The following NSUN7 variants were observed in gnomAD, a reference collection of about 807,000 sequenced individuals.
The protein encoded by NSUN7 is NOP2/Sun RNA methyltransferase family member 7, also known as protein NSUN7.
Under a neutral mutation model 58.5 loss-of-function variants are expected in NSUN7, and 39 were observed. The ratio of observed to expected loss-of-function variants is 0.67; its 90% CI spans 0.52 to 0.87. The LOEUF (loss-of-function observed/expected upper bound fraction) is 0.87. Ranked by LOEUF, NSUN7 falls within the 40% of genes least tolerant of loss-of-function variation. The pLI, the probability that NSUN7 is intolerant of heterozygous loss-of-function variation, is 0.00. For missense variants in NSUN7, 765 were observed against 844.1 expected, an observed-to-expected ratio of 0.91 and a Z score of 1.16; for synonymous variants, 278 against 303.7, an observed-to-expected ratio of 0.92 and a Z score of 0.88.
rs1458704980 is a variant in NSUN7 at position 40,765,035 on chromosome 4, G to A, written c.488+3734G>A. Among the ~76,000 whole-genome samples the A allele has an allele frequency of 9.4e-3, 1,392 of 147,764 alleles. 19 individuals are homozygous for A. Among genetic ancestry groups the A allele is most frequent in the African/African-American group, 0.033 (1,319 of 40,074 alleles). The stretch of plus-strand genomic sequence containing the variant: ...TTTTCTCCCATTTTGTAGGTTGCCT[G>A]TTCACTCTGATGGTATTTTCTTTTG... On this transcript the variant is annotated intron_variant, in intron 4 of 11. Transcript: ENST00000381782.
At chr4:40,762,710 T>A (rs919391856) in intron 4 of NSUN7, 2 of 152,170 alleles carry the variant, frequency 1.3e-5, no homozygotes, top group Admixed American at 1.3e-4. Context: ...CAGCACGAGG[T>A]GAGCAGCAGG....
chr4:40,784,551 A>G (rs139153059), intron 7 of NSUN7, among the ~76,000 whole-genome samples: 283 of 152,358 alleles, frequency 1.9e-3, no homozygotes, highest in Non-Finnish European at 2.9e-3. Flanking sequence ...TTGGGGGAAG[A>G]GGACAATATC....
At chr4:40,762,652 G>A (rs1741513976) in intron 4 of NSUN7, 2 of 152,352 alleles carry the variant, frequency 1.3e-5, no homozygotes, top group South Asian at 4.1e-4. Flanking sequence ...CCCAACCCCA[G>A]GGCTGCAGAC....
chr4:40,800,268 T>C (rs948367724), intron 10 of NSUN7, among the ~76,000 whole-genome samples: 1 of 152,216 alleles, frequency 6.6e-6, no homozygotes, highest in African/African-American at 2.4e-5. Flanking sequence ...GACTGGTCAG[T>C]GTACTGTGGA....
chr4:40,774,294 C>A lies in NSUN7; in HGVS notation c.518C>A (p.Ala173Glu). ...SFKIKLAAALARCRIKHDALS... is the reference protein window; with the variant it reads ...SFKIKLAAALERCRIKHDALS... ...AAGATAAAATTGGCTGCAGCATTGG[C>A]AAGATGTCGAATCAAGCATGATGCC... is the stretch of plus-strand genomic sequence containing the variant. Residue 173 changes from alanine to glutamate, a missense_variant, in exon 5 of 12, where the codon GCA becomes GAA. Ala to Glu is a moderately radical substitution (Grantham distance 107). Transcript: ENST00000381782. 1 of 1,614,064 alleles carries A rather than the reference C, an allele frequency of 6.2e-7. No individual in the cohort carries two copies. Among genetic ancestry groups the A allele is most frequent in the Non-Finnish European group, 8.5e-7 (1 of 1,179,964 alleles).
Position 40,760,468 on chromosome 4 carries a change from C to T in NSUN7, c.333C>T (p.Ser111=). The change falls in exon 3 of 12, where the codon AGC becomes AGT. Residue 111 remains serine (S), a synonymous_variant. Coordinates refer to ENST00000381782, the MANE Select transcript of NSUN7 (RefSeq NM_024677.6). ...QDILETILID[S]CIFPSTTIPD... is the part of the protein sequence containing the mutation. Reference sequence around the variant, plus strand: ...TTTTGGAAACTATATTGATAGACAGCTGTATCTTCCCAAGTACCACAATAG... The same window carrying T: ...TTTTGGAAACTATATTGATAGACAGTTGTATCTTCCCAAGTACCACAATAG... 6.2e-7 allele frequency: 1 copy of T among 1,608,464 alleles called. No homozygotes were observed. The highest frequency in any genetic ancestry group is 8.5e-7 in the Non-Finnish European group (1 of 1,176,260).
At chr4:40,753,496 C>T (rs1740940893) in intron 2 of NSUN7, among the ~76,000 whole-genome samples, 1 of 152,132 alleles carries the variant, frequency 6.6e-6, no homozygotes, top group Non-Finnish European at 1.5e-5. Flanking sequence ...TGGTCTTGAA[C>T]TCCTGACCTC....
At chr4:40,786,612 C>T in intron 7 of NSUN7, 1 of 1,612,838 alleles carries the variant, frequency 6.2e-7, no homozygotes, top group Non-Finnish European at 8.5e-7. Flanking sequence ...TGCAGCCTAC[C>T]TGTGCAATCA....
In NSUN7 at chr4:40,810,635, A is replaced by AGTT. The variant is rs1181608652; in HGVS notation, c.*1698_*1700dup. The AGTT allele has an allele frequency of 6.6e-6, 1 of 150,454 alleles. No homozygotes were observed. The highest frequency in any genetic ancestry group is 6.6e-5 in the Admixed American group (1 of 15,096). 9.3% of individuals were successfully genotyped at this position (150,454 alleles called of 1,614,324 possible). On this transcript the variant is annotated 3_prime_UTR_variant, in exon 12 of 12. Coordinates refer to ENST00000381782, the MANE Select transcript of NSUN7 (RefSeq NM_024677.6). ...GAAGAAAGGAAACAAGACTTTTTAT[A>AGTT]GTTGAACCAGGCTTATTGTATTTTA...
At chr4:40,807,977 T>C (rs1443392386) in intron 11 of NSUN7, among the ~76,000 whole-genome samples, 1 of 144,184 alleles carries the variant, frequency 6.9e-6, no homozygotes, top group Non-Finnish European at 1.5e-5. Flanking sequence ...GAGGTGGAGG[T>C]TGCAGTGAGC....
In NSUN7 at chr4:40,776,149, AC is replaced by A; in HGVS notation, c.927del (p.His309GlnfsTer5). On this transcript the variant is annotated frameshift_variant, in exon 7 of 12. Transcript: ENST00000381782. LOFTEE classifies it high-confidence loss of function. Reference protein sequence around the residue: ...VNTGSWYTVSHMSILTNNNTS... With the variant: ...VNTGSWYTVSXMSILTNNNTS... Reference sequence around the variant, plus strand: ...ACAGGCTCATGGTACACAGTTTCCCACATGTCAATTTTAACAAATAATAATA... The same window carrying A: ...ACAGGCTCATGGTACACAGTTTCCCAATGTCAATTTTAACAAATAATAATA... 6.2e-7 allele frequency: 1 copy of A among 1,608,520 alleles called. No homozygotes were observed. Among genetic ancestry groups the A allele is most frequent in the Non-Finnish European group, 8.5e-7 (1 of 1,175,238 alleles).
At chr4:40,772,815 A>C (rs1014805618) in intron 4 of NSUN7, among the ~76,000 whole-genome samples, 13 of 152,232 alleles carry the variant, frequency 8.5e-5, no homozygotes, top group Admixed American at 7.2e-4. Flanking sequence ...CCACCCACCA[A>C]CCACAACTCA....
At chr4:40,770,670 T>C (rs989260383) in intron 4 of NSUN7, among the ~76,000 whole-genome samples, 2 of 152,086 alleles carry the variant, frequency 1.3e-5, no homozygotes, top group Non-Finnish European at 2.9e-5. Flanking sequence ...TAAATATTTC[T>C]GAAAATTTAA....
intron 11 of NSUN7, among the ~76,000 whole-genome samples, chr4:40,807,562 C>G (rs1282601449): frequency 3.3e-5 from 5 of 151,964 alleles, no homozygotes; most frequent in African/African-American, 1.2e-4. Context: ...CTTGGCCAGG[C>G]TGGTCTTGAA....
intron 10 of NSUN7, among the ~76,000 whole-genome samples, chr4:40,799,388 G>A (rs1297493873): frequency 2.0e-5 from 3 of 151,654 alleles, no homozygotes; most frequent in East Asian, 1.9e-4. Flanking sequence ...GGCCTGGTGC[G>A]GTGGCTCACA....
At chr4:40,776,965 G>A (rs1396245176) in intron 7 of NSUN7, among the ~76,000 whole-genome samples, 1 of 152,144 alleles carries the variant, frequency 6.6e-6, no homozygotes, top group Non-Finnish European at 1.5e-5. Flanking sequence ...GTTTCCATTG[G>A]ATCATTCTAA....
intron 10 of NSUN7, among the ~76,000 whole-genome samples, chr4:40,803,164 A>G (rs36132431): frequency 0.19 from 28,717 of 151,366 alleles, 2,971 homozygotes; most frequent in African/African-American, 0.24. Flanking sequence ...TATGTGCCAC[A>G]TTTTCTTAAT....
Position 40,774,332 on chromosome 4 carries a change from C to T in NSUN7, c.556C>T (p.His186Tyr), listed in dbSNP as rs1238827738. ...RIKHDALSIY[H>Y]ILPETVRKQE... is the part of the protein sequence containing the mutation. ...CAAGCATGATGCCCTTTCAATTTACCACATCCTTCCAGAAACAGTTAGGAA... is the reference window on the plus strand; with the variant it reads ...CAAGCATGATGCCCTTTCAATTTACTACATCCTTCCAGAAACAGTTAGGAA... The change falls in exon 5 of 12, where the codon CAC becomes TAC. Residue 186 changes from histidine to tyrosine, a missense_variant. Physicochemically the swap from His to Tyr is moderately conservative, Grantham distance 83 (BLOSUM62 2). Coordinates refer to ENST00000381782, the MANE Select transcript of NSUN7 (RefSeq NM_024677.6). The T allele has an allele frequency of 6.2e-7, 1 of 1,613,790 alleles. No individual in the cohort carries two copies. The highest frequency in any genetic ancestry group is 8.5e-7 in the Non-Finnish European group (1 of 1,179,860).
At chr4:40,783,734 G>C (rs1391896588) in intron 7 of NSUN7, among the ~76,000 whole-genome samples, 1 of 152,070 alleles carries the variant, frequency 6.6e-6, no homozygotes, top group Admixed American at 6.6e-5. Flanking sequence ...GGTAATCCCA[G>C]CTACTCAGGA....
Sources: allele counts gnomAD v4.1 joint callset (sites outside exome capture counted in the v4.1 genomes callset), GRCh38; gene constraint gnomAD v4.1.1; transcripts MANE v1.5; gene names NCBI Gene and HGNC (gene_info 2026-07-23, HGNC 2026-07-21).